DHTKD1: variants seen among roughly 807,000 people sequenced by gnomAD.
DHTKD1 encodes dehydrogenase E1 and transketolase domain containing 1.
DHTKD1 carries 78 observed loss-of-function variants against 101.8 expected under a neutral mutation model. The ratio of observed to expected loss-of-function variants is 0.77; its 90% confidence interval spans 0.64 to 0.93. The LOEUF (loss-of-function observed/expected upper bound fraction) is 0.93, where lower values mean the gene tolerates loss of function less well. Ranked by LOEUF, DHTKD1 falls within the 40% of genes least tolerant of loss-of-function variation. The pLI, the probability that DHTKD1 is intolerant of heterozygous loss-of-function variation, is 0.00. For missense variants in DHTKD1, 1,223 were observed against 1,161.7 expected (o/e 1.05, Z -0.77); for synonymous variants, 462 against 450.3 (o/e 1.03, Z -0.33).
chr10:12,081,372 A>T, intron 1 of DHTKD1, 100 bp from the exon 2 acceptor site: 1 of 904,636 alleles, frequency 1.1e-6, no homozygotes, highest in East Asian at 2.4e-5. Flanking sequence ...AATAAAAAGT[A>T]AGGTGTCTAG....
chr10:12,090,428 T>TTTCCTTCCTTCCTTCCTTCCTTCC (rs57839020), intron 5 of DHTKD1, among the ~76,000 whole-genome samples: 17 of 119,858 alleles, frequency 1.4e-4, no homozygotes, highest in African/African-American at 6.0e-4. Flanking sequence ...TTCCTTCCTT[T>TTTCCTTCCTTCCTTCCTTCCTTCC]TTCCTTCCTT....
At chr10:12,093,878 G>A (rs1833028489) in intron 6 of DHTKD1, among the ~76,000 whole-genome samples, 195 bp from the exon 7 acceptor site, 4 of 152,192 alleles carry the variant, frequency 2.6e-5, no homozygotes, top group Admixed American at 1.3e-4. Flanking sequence ...GTTGAGATTT[G>A]TAGCTTTACC....
At chr10:12,100,057 A>T in intron 8 of DHTKD1, 121 bp from the exon 9 acceptor site, 1 of 553,928 alleles carries the variant, frequency 1.8e-6, no homozygotes. Context: ...GGGCCTCCCA[A>T]AGTGCTGGGA....
Position 12,097,979 on chromosome 10 carries a change from C to A in DHTKD1, c.1654C>A (p.Leu552Met). Residue 552 changes from leucine (L) to methionine (M), a missense_variant, in exon 8 of 17, where the codon CTG becomes ATG. Transcript: ENST00000263035. ...PRELQMHSHL[L>M]KTHVQSRMEK... ...AGAGCTGCAGATGCACAGTCACCTG[C>A]TGAAGACACATGTTCAGGTGGGCAG... is the stretch of plus-strand genomic sequence containing the variant. The A allele has an allele frequency of 6.2e-7, 1 of 1,609,196 alleles. No homozygotes were observed. Among genetic ancestry groups the A allele is most frequent in the South Asian group, 1.1e-5 (1 of 90,764 alleles).
At chr10:12,077,908 T>G in intron 1 of DHTKD1, among the ~76,000 whole-genome samples, 1 of 151,072 alleles carries the variant, frequency 6.6e-6, no homozygotes, top group Non-Finnish European at 1.5e-5. Flanking sequence ...GGAGATAGGG[T>G]TGGTGGAAGA....
In DHTKD1 at chr10:12,118,730, T is replaced by G; in HGVS notation, c.2403-19T>G. 1 of 1,488,002 alleles carries G rather than the reference T, an allele frequency of 6.7e-7. No homozygotes were observed. The highest frequency in any genetic ancestry group is 9.0e-7 in the Non-Finnish European group (1 of 1,115,392). 92.2% of individuals were successfully genotyped at this position (1,488,002 alleles called of 1,614,324 possible). On this transcript the variant is annotated intron_variant, in intron 14 of 16. Coordinates refer to ENST00000263035, the MANE Select transcript of DHTKD1 (RefSeq NM_018706.7). Reference sequence around the variant, plus strand: ...AAAAAATTTCTCCCCCACCCTATTGTTCCTTTTCTGTCCAACAGGGTTAAG... The same window carrying G: ...AAAAAATTTCTCCCCCACCCTATTGGTCCTTTTCTGTCCAACAGGGTTAAG...
chr10:12,086,119 C>T (rs1191261065), intron 3 of DHTKD1, among the ~76,000 whole-genome samples: 12 of 151,734 alleles, frequency 7.9e-5, no homozygotes, highest in Admixed American at 2.0e-4. Flanking sequence ...CCACCCGCCT[C>T]GGCCTCCCAA....
chr10:12,111,312 T>G (rs185716338), intron 12 of DHTKD1, among the ~76,000 whole-genome samples: 1 of 152,218 alleles, frequency 6.6e-6, no homozygotes, highest in East Asian at 1.9e-4. Context: ...ATTATAGGCT[T>G]GTGCCACGAT....
At chr10:12,090,717 C>T (rs962977307) in intron 5 of DHTKD1, among the ~76,000 whole-genome samples, 1 of 152,038 alleles carries the variant, frequency 6.6e-6, no homozygotes, top group African/African-American at 2.4e-5. Flanking sequence ...AAATTCCTAG[C>T]TTCAAGCAAC....
chr10:12,110,734 G>C lies in DHTKD1; in HGVS notation c.2155-2166G>C, dbSNP rs1833317369. Among the ~76,000 whole-genome samples, 1 of 152,018 alleles carries C rather than the reference G, an allele frequency of 6.6e-6. No homozygotes were observed. Among genetic ancestry groups the C allele is most frequent in the African/African-American group, 2.4e-5 (1 of 41,392 alleles). On this transcript the variant is annotated intron_variant, in intron 12 of 16. Transcript: ENST00000263035. This position sits in a 1 kb window ranked among gnomAD's most constrained non-coding sequence, Gnocchi z 4.9. Reference sequence around the variant, plus strand: ...TACCATCCTGTACAGTAGATCTCCAGAACTTATTCAAGGGAGGAAAGTTGG... The same window carrying C: ...TACCATCCTGTACAGTAGATCTCCACAACTTATTCAAGGGAGGAAAGTTGG...
chr10:12,106,260 A>C lies in DHTKD1; in HGVS notation c.1911A>C (p.Pro637=), dbSNP rs1701472. ...QKGFLEVSNS[P]LSEEAVLGFE... ...TCTGGGATTAGGTCAGCAACAGCCC[A>C]CTGTCAGAAGAGGCCGTCCTGGGAT... Residue 637 remains proline (P), a synonymous_variant, in exon 11 of 17, where the codon CCA becomes CCC. Transcript: ENST00000263035. 0.99 allele frequency: 1,600,827 copies of C among 1,614,196 alleles called. 794,665 individuals carry two copies. Among genetic ancestry groups the C allele is most frequent in the East Asian group, 1 (44,882 of 44,882 alleles).
chr10:12,120,820 C>T lies in DHTKD1; in HGVS notation c.2692C>T (p.Pro898Ser). 1 of 1,614,104 alleles carries T rather than the reference C, an allele frequency of 6.2e-7. No individual in the cohort carries two copies. The highest frequency in any genetic ancestry group is 1.7e-4 in the Middle Eastern group (1 of 6,052). The change falls in exon 17 of 17, where the codon CCC (proline) becomes TCC (serine). Residue 898 changes from proline to serine, a missense_variant. Coordinates refer to ENST00000263035, the MANE Select transcript of DHTKD1 (RefSeq NM_018706.7). The part of the protein sequence containing the change: ...RLVGRPPLPV[P>S]AVGIGTVHLH... ...GGTGGGCCGGCCCCCTTTGCCAGTA[C>T]CCGCTGTAGGAATTGGCACAGTTCA... is the stretch of plus-strand genomic sequence containing the variant.
In DHTKD1 at chr10:12,121,453, CAAT is replaced by C. The variant is rs1833526745; in HGVS notation, c.*568_*570del. 6.5e-6 allele frequency: 1 copy of C among 152,720 alleles called. No homozygotes were observed. Among genetic ancestry groups the C allele is most frequent in the East Asian group, 1.9e-4 (1 of 5,186 alleles). 9.5% of individuals were successfully genotyped at this position (152,720 alleles called of 1,614,324 possible). On this transcript the variant is annotated 3_prime_UTR_variant, in exon 17 of 17. Coordinates refer to ENST00000263035, the MANE Select transcript of DHTKD1 (RefSeq NM_018706.7). ...AAATAGGAAAACAACAAAAGAAAAA[CAAT>C]AACAAAAAAAGAAAGTGTGATGGCT... is the stretch of plus-strand genomic sequence containing the variant.
At chr10:12,113,689 G>C (rs1254359336) in intron 13 of DHTKD1, among the ~76,000 whole-genome samples, 1 of 152,084 alleles carries the variant, frequency 6.6e-6, no homozygotes, top group Non-Finnish European at 1.5e-5. Context: ...ACTTTGGGAG[G>C]CCTAGGCAAG....
At chr10:12,100,056 A>C in intron 8 of DHTKD1, 122 bp from the exon 9 acceptor site, 1 of 555,526 alleles carries the variant, frequency 1.8e-6, no homozygotes, top group East Asian at 3.2e-5. Flanking sequence ...TGGGCCTCCC[A>C]AAGTGCTGGG....
chr10:12,083,089 C>T (rs564622024), intron 2 of DHTKD1, among the ~76,000 whole-genome samples: 1 of 151,754 alleles, frequency 6.6e-6, no homozygotes, highest in South Asian at 2.1e-4. Flanking sequence ...AGCCGGGAAG[C>T]GGAGCTTGCA....
chr10:12,080,163 G>A (rs548975785), intron 1 of DHTKD1, among the ~76,000 whole-genome samples: 32 of 151,382 alleles, frequency 2.1e-4, no homozygotes, highest in African/African-American at 3.6e-4. Flanking sequence ...GCCTGTGGGC[G>A]CCTGTAGGCG....
rs138799837 is a variant in DHTKD1 at position 12,098,041 on chromosome 10, C to T, written c.1671+45C>T. 4.4e-3 allele frequency: 6,653 copies of T among 1,528,724 alleles called. 18 individuals carry two copies. Among genetic ancestry groups the T allele is most frequent in the Non-Finnish European group, 5.1e-3 (5,795 of 1,129,186 alleles). The allele number at this position is 1,528,724 out of a possible 1,614,324, so 94.7% of individuals were successfully genotyped here. A position where few individuals can be genotyped will look rare whatever the true frequency, so the allele number is the denominator to read the frequency against. ...CTGGTTATTGCTTCTCCTTCCTGCTCAGCAAAGGAGCTGACGTTGGTCTGG... is the reference window on the plus strand; with the variant it reads ...CTGGTTATTGCTTCTCCTTCCTGCTTAGCAAAGGAGCTGACGTTGGTCTGG... On this transcript the variant is annotated intron_variant, in intron 8 of 16. Coordinates refer to ENST00000263035, the MANE Select transcript of DHTKD1 (RefSeq NM_018706.7).
At chr10:12,077,338 C>T (rs964512714) in intron 1 of DHTKD1, among the ~76,000 whole-genome samples, 7 of 150,596 alleles carry the variant, frequency 4.6e-5, no homozygotes, top group African/African-American at 1.7e-4. Context: ...AGCAATTCTC[C>T]TACTTCATCT....
Sources: allele counts gnomAD v4.1 joint callset (sites outside exome capture counted in the v4.1 genomes callset), GRCh38; gene constraint gnomAD v4.1.1; non-coding constraint Gnocchi (gnomAD v3.1); transcripts MANE v1.5; gene names NCBI Gene and HGNC (gene_info 2026-07-23, HGNC 2026-07-21).